Variants in RGS6 observed in about 807,000 individuals in gnomAD.
The protein encoded by RGS6 is regulator of G-protein signaling 6.
In RGS6, 30 loss-of-function variants were observed where a neutral mutation model predicts 78.5. The observed-to-expected ratio is 0.38, with a 90% CI of 0.29 to 0.52. RGS6 has a LOEUF of 0.52. Ranked by LOEUF, RGS6 falls within the 20% of genes least tolerant of loss-of-function variation. The pLI is 0.85. For missense variants in RGS6, 495 were observed against 609.7 expected, an observed-to-expected ratio of 0.81 and a Z score of 1.98; for synonymous variants, 206 against 206.0, an observed-to-expected ratio of 1.00 and a Z score of 0.00.
intron 2 of RGS6, among the ~76,000 whole-genome samples, chr14:72,311,828 A>G (rs2068693794): frequency 6.6e-6 from 1 of 152,244 alleles, no homozygotes; most frequent in African/African-American, 2.4e-5. Context: ...CAACCAGAGT[A>G]TCACTTCTGA....
At chr14:72,221,920 A>G (rs2046960365) in intron 2 of RGS6, among the ~76,000 whole-genome samples, 1 of 152,222 alleles carries the variant, frequency 6.6e-6, no homozygotes, top group African/African-American at 2.4e-5. Context: ...TGCTAAGAAG[A>G]AAAAAGGAGA....
chr14:71,979,808 G>T (rs1425167092), intron 2 of RGS6, among the ~76,000 whole-genome samples: 1 of 151,782 alleles, frequency 6.6e-6, no homozygotes, highest in Non-Finnish European at 1.5e-5. Context: ...TCAATTCCTG[G>T]GTATCCTTGT....
chr14:72,136,938 A>G (rs187092453), intron 2 of RGS6, among the ~76,000 whole-genome samples: 6 of 152,318 alleles, frequency 3.9e-5, no homozygotes, highest in Admixed American at 6.5e-5. Flanking sequence ...ATGTTATCCC[A>G]TGTAATTTCC....
chr14:72,583,786 A>G, the RGS6 span, among the ~76,000 whole-genome samples: 462 of 152,300 alleles, frequency 3.0e-3, 4 homozygotes, highest in African/African-American at 0.011. Flanking sequence ...GTGGCCACCC[A>G]TATGGTGCCA....
intron 1 of RGS6, among the ~76,000 whole-genome samples, chr14:71,954,620 AGTT>A (rs1445330243): frequency 1.3e-5 from 2 of 152,066 alleles, no homozygotes; most frequent in African/African-American, 2.4e-5. Flanking sequence ...TGTACAATTG[AGTT>A]GTTGTTATTG....
intron 2 of RGS6, among the ~76,000 whole-genome samples, chr14:72,000,457 C>T (rs887970065): frequency 1.3e-5 from 2 of 152,064 alleles, no homozygotes; most frequent in African/African-American, 2.4e-5. Flanking sequence ...ATGGAGTAGG[C>T]GATTGGAAAT....
rs1233875565 is a variant in RGS6, at chr14:72,157,272, CA to C, written c.84+192399del. On this transcript the variant is annotated intron_variant, in intron 2 of 17. Transcript: ENST00000553525. The stretch of plus-strand genomic sequence containing the variant: ...TCACCTCAAAGTGGACTCCTAGGAA[CA>C]AGAAGCAAATGATTCCGTGGAGAGT... Among the ~76,000 whole-genome samples the C allele has an allele frequency of 3.3e-5, 5 of 152,270 alleles. No homozygotes were observed. In the East Asian group the frequency reaches 7.7e-4, roughly 24 times the overall value.
intron 3 of RGS6, among the ~76,000 whole-genome samples, chr14:72,391,646 C>T (rs562415874): frequency 2.0e-5 from 3 of 152,294 alleles, no homozygotes; most frequent in South Asian, 2.1e-4. Context: ...ACATGCACAA[C>T]GTGCAGGTTT....
At chr14:72,047,347 T>G (rs1372716486) in intron 2 of RGS6, among the ~76,000 whole-genome samples, 1 of 152,234 alleles carries the variant, frequency 6.6e-6, no homozygotes, top group African/African-American at 2.4e-5. Flanking sequence ...AAGGGCTTTT[T>G]ATGTGTTAGT....
chr14:72,436,385 G>A (rs2094914681), intron 3 of RGS6, among the ~76,000 whole-genome samples: 1 of 152,130 alleles, frequency 6.6e-6, no homozygotes, highest in Non-Finnish European at 1.5e-5. Context: ...CTAAGGAACA[G>A]ATAGGTAGTA....
At chr14:72,114,894 G>A (rs1369807027) in intron 2 of RGS6, among the ~76,000 whole-genome samples, 1 of 152,156 alleles carries the variant, frequency 6.6e-6, no homozygotes, top group African/African-American at 2.4e-5. Flanking sequence ...GTATGATAAA[G>A]GGAAACAATC....
At chr14:71,970,624 C>T (rs1435009260) in intron 2 of RGS6, among the ~76,000 whole-genome samples, 3 of 152,140 alleles carry the variant, frequency 2.0e-5, no homozygotes, top group African/African-American at 7.2e-5. Context: ...TGGGGACCTG[C>T]AGGTCCTGGT....
chr14:72,461,400 TTTAA>T (rs2153234247), intron 6 of RGS6, among the ~76,000 whole-genome samples: 1 of 152,326 alleles, frequency 6.6e-6, no homozygotes, highest in South Asian at 2.1e-4. Context: ...ATTTTATAAT[TTTAA>T]TTGTGCATCA....
chr14:72,167,652 T>G (rs2096947502), intron 2 of RGS6, among the ~76,000 whole-genome samples: 1 of 152,222 alleles, frequency 6.6e-6, no homozygotes, highest in Non-Finnish European at 1.5e-5. Flanking sequence ...CCACCCATGA[T>G]TATTACTATC....
chr14:71,896,573 G>A, the RGS6 span, among the ~76,000 whole-genome samples: 1 of 152,202 alleles, frequency 6.6e-6, no homozygotes, highest in African/African-American at 2.4e-5. Context: ...CGGTGACTTA[G>A]AATGCCTTAG....
At chr14:71,913,542 G>T in the RGS6 span, among the ~76,000 whole-genome samples, 8 of 152,222 alleles carry the variant, frequency 5.3e-5, no homozygotes, top group African/African-American at 1.9e-4. Context: ...ACATCCTCCT[G>T]CCTGGCAGAG....
chr14:72,012,094 CAGT>C (rs2085876116), intron 2 of RGS6, among the ~76,000 whole-genome samples: 1 of 152,124 alleles, frequency 6.6e-6, no homozygotes, highest in African/African-American at 2.4e-5. Context: ...AATTATGTAT[CAGT>C]AGGCATTTTA....
intron 2 of RGS6, among the ~76,000 whole-genome samples, chr14:72,012,993 A>G (rs561549583): frequency 2.6e-4 from 40 of 152,264 alleles, no homozygotes; most frequent in Non-Finnish European, 1.0e-4. Context: ...GCATAGGGCC[A>G]GGTGCAGTGG....
the RGS6 span, among the ~76,000 whole-genome samples, chr14:71,870,338 C>A: frequency 2.0e-5 from 3 of 152,238 alleles, no homozygotes; most frequent in Non-Finnish European, 4.4e-5. Flanking sequence ...AGTCTTCAGC[C>A]TTAGTTAGGC....
Sources: allele counts gnomAD v4.1 joint callset (sites outside exome capture counted in the v4.1 genomes callset), GRCh38; gene constraint gnomAD v4.1.1; transcripts MANE v1.5; gene names NCBI Gene and HGNC (gene_info 2026-07-23, HGNC 2026-07-21).